The following CLASP1 variants were observed in gnomAD, a reference collection of about 807,000 sequenced individuals.
The protein encoded by CLASP1 is cytoplasmic linker associated protein 1.
A neutral mutation model predicts 192.3 loss-of-function variants in CLASP1; 38 were observed. The ratio of observed to expected loss-of-function variants is 0.20; its 90% CI spans 0.15 to 0.26. The LOEUF is 0.26. CLASP1 is among the 10% of genes least tolerant of loss of function. The probability of loss-of-function intolerance (pLI) is 1.00; values close to 1 mark genes in which losing one functional copy is unlikely to be tolerated. For missense variants in CLASP1, 1,433 were observed against 1,932.5 expected (o/e 0.74, Z 4.85); for synonymous variants, 691 against 712.8 (o/e 0.97, Z 0.49).
chr2:121,560,625 C>T (rs1308031988), intron 2 of CLASP1, among the ~76,000 whole-genome samples: 2 of 152,210 alleles, frequency 1.3e-5, no homozygotes, highest in Non-Finnish European at 2.9e-5. Flanking sequence ...GTTATTTCCA[C>T]CTCTAGGAAT....
chr2:121,648,567 G>A (rs144908474), intron 1 of CLASP1, among the ~76,000 whole-genome samples: 1 of 152,066 alleles, frequency 6.6e-6, no homozygotes, highest in African/African-American at 2.4e-5. Flanking sequence ...TTTAAACTCT[G>A]GAAAGCCCCA....
chr2:121,512,993 A>C (rs912118965), intron 7 of CLASP1: 1 of 152,258 alleles, frequency 6.6e-6, no homozygotes, highest in Non-Finnish European at 1.5e-5. Flanking sequence ...AAAATTACTA[A>C]AAAATCTATA....
At chr2:121,531,669 A>G (rs2094891751) in intron 2 of CLASP1, among the ~76,000 whole-genome samples, 1 of 151,372 alleles carries the variant, frequency 6.6e-6, no homozygotes, top group South Asian at 2.1e-4. Flanking sequence ...GGAGATAGAG[A>G]CCATCCTGGC....
intron 2 of CLASP1, among the ~76,000 whole-genome samples, chr2:121,582,824 G>A (rs1324585384): frequency 2.7e-5 from 4 of 145,548 alleles, no homozygotes; most frequent in Admixed American, 1.4e-4. Context: ...TTGCTCTGTC[G>A]CCCTGGCTGG....
At chr2:121,366,513 C>T (rs999786375) in intron 35 of CLASP1, among the ~76,000 whole-genome samples, 1 of 152,248 alleles carries the variant, frequency 6.6e-6, no homozygotes, top group Admixed American at 6.5e-5. Flanking sequence ...TGTGCCCCGA[C>T]TGGATCTGGC....
chr2:121,383,554 A>G (rs990542741), intron 32 of CLASP1, among the ~76,000 whole-genome samples: 8 of 151,806 alleles, frequency 5.3e-5, no homozygotes, highest in Non-Finnish European at 1.0e-4. Context: ...TTCTATCCAT[A>G]CTCTGGATCC....
At chr2:121,413,217 G>A (rs553305587) in intron 23 of CLASP1, among the ~76,000 whole-genome samples, 20 of 152,152 alleles carry the variant, frequency 1.3e-4, no homozygotes, top group African/African-American at 4.6e-4. Context: ...CCAAGATCAC[G>A]CTACTACACT....
chr2:121,575,663 C>T (rs911603945), intron 2 of CLASP1, among the ~76,000 whole-genome samples: 14 of 152,116 alleles, frequency 9.2e-5, no homozygotes, highest in Admixed American at 8.5e-4. Context: ...CCCAAGTCTA[C>T]GCACCAGAGT....
rs544927784 is a variant in CLASP1, at chr2:121,382,998, C to T, written c.3375-674G>A. Among the ~76,000 whole-genome samples the T allele has an allele frequency of 3.3e-5, 5 of 152,334 alleles. No individual in the cohort carries two copies. The South Asian group carries it at 8.3e-4, about 25-fold the overall frequency. ...AAACCAAATCCCTCTGCTCATACCACCTAATATGAGAACTGAAATTCTCTG... is the reference window on the plus strand; with the variant it reads ...AAACCAAATCCCTCTGCTCATACCATCTAATATGAGAACTGAAATTCTCTG... On this transcript the variant is annotated intron_variant, in intron 32 of 39. Transcript: ENST00000263710.
chr2:121,530,832 T>C (rs762171198), intron 2 of CLASP1: 16 of 661,886 alleles, frequency 2.4e-5, no homozygotes, highest in Middle Eastern at 3.8e-4. Context: ...ACCACAACCC[T>C]ACCAGGTATT....
At chr2:121,554,454 TAA>T (rs56965310) in intron 2 of CLASP1, among the ~76,000 whole-genome samples, 131 of 87,526 alleles carry the variant, frequency 1.5e-3, no homozygotes, top group South Asian at 6.4e-3. Context: ...CTACAAAAAG[TAA>T]AAAAAAAAAA....
At chr2:121,347,016 G>C in intron 39 of CLASP1, 22 bp downstream of exon 40, 1 of 1,442,842 alleles carries the variant, frequency 6.9e-7, no homozygotes. Flanking sequence ...GTGCGTATCA[G>C]CCCAGGTAAC....
intron 6 of CLASP1, among the ~76,000 whole-genome samples, chr2:121,525,578 A>G (rs146462464): frequency 1.3e-3 from 192 of 152,278 alleles, no homozygotes; most frequent in African/African-American, 1.4e-3. Context: ...GATAACATCA[A>G]TTTCTAGGCT....
rs571327467 is a variant in CLASP1 at position 121,349,246 on chromosome 2, AAAAAG to A, written c.4207-533_4207-529del. ...CAGTGCAAGACTCTGTCTCAAAAAA[AAAAAG>A]AAAAGAAAAGAAAAGAAAAGTGGTA... On this transcript the variant is annotated intron_variant, in intron 37 of 39. Transcript: ENST00000263710. Among the ~76,000 whole-genome samples the A allele has an allele frequency of 7.8e-3, 1,183 of 151,948 alleles. 7 individuals carry two copies. Among genetic ancestry groups the A allele is most frequent in the Admixed American group, 0.012 (177 of 15,264 alleles).
rs185888879 is a variant in CLASP1, at chr2:121,461,720, G to A, written c.940-527C>T. Among the ~76,000 whole-genome samples the A allele has an allele frequency of 7.2e-5, 11 of 152,132 alleles. No individual in the cohort carries two copies. The East Asian group carries it at 2.1e-3, about 29-fold the overall frequency. On this transcript the variant is annotated intron_variant, in intron 10 of 39. Transcript: ENST00000263710. The stretch of plus-strand genomic sequence containing the variant: ...TTAAGACACTGGGAATCACTCTGTC[G>A]CCCAGGATGGAGTGCAGTGGCGCAA...
intron 2 of CLASP1, chr2:121,531,074 G>A (rs1304080496): frequency 1.7e-5 from 12 of 689,860 alleles, no homozygotes; most frequent in South Asian, 9.0e-5. Context: ...CTAGTACTTT[G>A]TGGTTAAACC....
At chr2:121,513,256 AGC>A (rs1325278564) in intron 7 of CLASP1, among the ~76,000 whole-genome samples, 2 of 152,198 alleles carry the variant, frequency 1.3e-5, no homozygotes, top group Non-Finnish European at 2.9e-5. Context: ...TAGTTCTCCA[AGC>A]ACTCGTGTAT....
At chr2:121,456,142 T>C (rs1243934563) in intron 14 of CLASP1, among the ~76,000 whole-genome samples, 1 of 152,044 alleles carries the variant, frequency 6.6e-6, no homozygotes, top group Non-Finnish European at 1.5e-5. Flanking sequence ...CATTACAAAA[T>C]GTATACACAT....
chr2:121,350,806 G>A (rs909182961), intron 37 of CLASP1, among the ~76,000 whole-genome samples: 1 of 152,166 alleles, frequency 6.6e-6, no homozygotes, highest in Admixed American at 6.5e-5. Flanking sequence ...CTGGAAGAAA[G>A]TGCATCAAGG....
Sources: gnomAD v4.1 joint callset for allele counts (sites outside exome capture counted in the v4.1 genomes callset) on GRCh38, gnomAD v4.1.1 for gene constraint, MANE v1.5 for transcripts, NCBI Gene and HGNC (gene_info 2026-07-23, HGNC 2026-07-21) for gene names.